The following GLB1 variants were observed in gnomAD, a reference collection of about 807,000 sequenced individuals.
The protein encoded by GLB1 is beta-galactosidase.
Under a neutral mutation model 74.0 loss-of-function variants are expected in GLB1, and 56 were observed. The ratio of observed to expected loss-of-function variants is 0.76; its 90% confidence interval spans 0.61 to 0.94. The LOEUF is 0.94. Among genes scored for constraint, GLB1 ranks in the 40% least tolerant of loss-of-function variants. The probability of loss-of-function intolerance (pLI) is 0.00; values close to 1 mark genes in which losing one functional copy is unlikely to be tolerated. For synonymous variants in GLB1, 323 were observed against 323.6 expected (o/e 1.00, Z 0.02); for missense variants, 787 against 845.5 (o/e 0.93, Z 0.86).
chr3:33,077,147 T>C, intron 1 of GLB1: 2 of 1,442,238 alleles, frequency 1.4e-6, no homozygotes, highest in Non-Finnish European at 1.8e-6. Flanking sequence ...GCGTGCTCAT[T>C]CGGTGCAGTC....
chr3:32,970,346 G>T, the GLB1 span, among the ~76,000 whole-genome samples: 1 of 151,916 alleles, frequency 6.6e-6, no homozygotes, highest in Admixed American at 6.6e-5. Flanking sequence ...TAACAAACTG[G>T]GTATTTGCCC....
At chr3:33,012,609 T>G (rs1575409062) in intron 15 of GLB1, among the ~76,000 whole-genome samples, 1 of 152,202 alleles carries the variant, frequency 6.6e-6, no homozygotes, top group Non-Finnish European at 1.5e-5. Flanking sequence ...CAGCTTATGG[T>G]ATTTTGTTAT....
the GLB1 span, among the ~76,000 whole-genome samples, chr3:32,974,783 C>T: frequency 2.0e-5 from 3 of 152,152 alleles, no homozygotes; most frequent in Non-Finnish European, 2.9e-5. Flanking sequence ...CTCTTACTTA[C>T]GAAAGGGTCT....
chr3:33,024,387 T>G, intron 10 of GLB1, 62 bp from the exon 11 acceptor site: 1 of 1,514,498 alleles, frequency 6.6e-7, no homozygotes, highest in East Asian at 2.3e-5. Flanking sequence ...CAGAAACATA[T>G]TCATAAAATT....
At chr3:32,989,584 C>T in the GLB1 span, among the ~76,000 whole-genome samples, 1 of 152,208 alleles carries the variant, frequency 6.6e-6, no homozygotes, top group African/African-American at 2.4e-5. Context: ...CAGAGACACA[C>T]ACAAGACTCA....
chr3:32,988,191 A>G, the GLB1 span, among the ~76,000 whole-genome samples: 1 of 150,906 alleles, frequency 6.6e-6, no homozygotes, highest in Non-Finnish European at 1.5e-5. Flanking sequence ...ATCTCAAAAA[A>G]AAAAAAAAAA....
At chr3:33,024,716 G>A (rs376684002) in intron 10 of GLB1, among the ~76,000 whole-genome samples, 1 of 152,314 alleles carries the variant, frequency 6.6e-6, no homozygotes, top group African/African-American at 2.4e-5. Flanking sequence ...CTAAAGTTCT[G>A]TATCAATGTT....
intron 9 of GLB1, among the ~76,000 whole-genome samples, chr3:33,050,925 T>C (rs1698948117): frequency 1.3e-5 from 2 of 152,338 alleles, no homozygotes; most frequent in South Asian, 4.1e-4. Context: ...TGCTCACATT[T>C]ATTTCCCTTA....
At chr3:33,096,606 G>A in intron 1 of GLB1, 1 of 1,055,626 alleles carries the variant, frequency 9.5e-7, no homozygotes. Flanking sequence ...GCGCTCCGCA[G>A]AGCACCAACT....
intron 1 of GLB1, among the ~76,000 whole-genome samples, chr3:33,077,993 G>A (rs1330171122): frequency 6.6e-6 from 1 of 151,852 alleles, no homozygotes; most frequent in East Asian, 1.9e-4. Flanking sequence ...TTTAAGTAGG[G>A]ATAAATTAGT....
chr3:33,029,597 A>G (rs1442114186), intron 10 of GLB1, among the ~76,000 whole-genome samples: 1 of 152,216 alleles, frequency 6.6e-6, no homozygotes, highest in African/African-American at 2.4e-5. Flanking sequence ...TGGCATATAT[A>G]CACCATGGAA....
At chr3:33,039,289 CAAAAAAA>C (rs35066652) in intron 10 of GLB1, among the ~76,000 whole-genome samples, 1 of 93,210 alleles carries the variant, frequency 1.1e-5, no homozygotes, top group African/African-American at 4.0e-5. Context: ...GACTCTGTCT[CAAAAAAA>C]AAAAAAAAAA....
chr3:33,089,434 T>A (rs1700657699), intron 1 of GLB1, among the ~76,000 whole-genome samples: 2 of 152,088 alleles, frequency 1.3e-5, no homozygotes, highest in Admixed American at 6.5e-5. Context: ...ATAAATTAAA[T>A]AACCTGATTT....
chr3:33,078,736 T>C (rs1031872728), intron 1 of GLB1, among the ~76,000 whole-genome samples: 1 of 152,218 alleles, frequency 6.6e-6, no homozygotes, highest in Non-Finnish European at 1.5e-5. Flanking sequence ...TGTAATAAGG[T>C]ATGGTACAAT....
intron 3 of GLB1, 82 bp from the exon 4 acceptor site, chr3:33,068,372 T>C (rs1699771752): frequency 4.4e-6 from 7 of 1,574,110 alleles, no homozygotes; most frequent in Admixed American, 3.6e-5. Context: ...TTAGTAGTTA[T>C]GGAAAAGAAT....
At chr3:33,026,461 G>A (rs927810243) in intron 10 of GLB1, among the ~76,000 whole-genome samples, 3 of 152,180 alleles carry the variant, frequency 2.0e-5, no homozygotes, top group Non-Finnish European at 2.9e-5. Context: ...CAGCCCGGGC[G>A]CCATGAATGG....
chr3:33,073,526 A>C (rs1239357855), intron 1 of GLB1, among the ~76,000 whole-genome samples: 1 of 152,064 alleles, frequency 6.6e-6, no homozygotes. Context: ...CATCTCTACC[A>C]AAAATACAAA....
chr3:33,096,637 A>C, intron 1 of GLB1: 1 of 1,083,928 alleles, frequency 9.2e-7, no homozygotes, highest in East Asian at 8.2e-5. Context: ...GGGCGCCCCA[A>C]ACCAGAGCCG....
At chr3:33,022,245 T>C (rs956183587) in intron 11 of GLB1, among the ~76,000 whole-genome samples, 2 of 152,140 alleles carry the variant, frequency 1.3e-5, no homozygotes, top group African/African-American at 4.8e-5. Flanking sequence ...GCCCAGAACA[T>C]AGTAAATGCC....
Sources: allele counts gnomAD v4.1 joint callset (sites outside exome capture counted in the v4.1 genomes callset), GRCh38; gene constraint gnomAD v4.1.1; transcripts MANE v1.5; gene names NCBI Gene and HGNC (gene_info 2026-07-23, HGNC 2026-07-21).